UBE3B: variants seen among roughly 807,000 people sequenced by gnomAD.
UBE3B encodes the protein ubiquitin protein ligase E3B.
In UBE3B, 80 loss-of-function variants were observed where a neutral mutation model predicts 132.3. That is an observed-to-expected ratio of 0.60 (90% CI 0.50 to 0.73). The LOEUF (loss-of-function observed/expected upper bound fraction) is 0.73, where lower values mean the gene tolerates loss of function less well. UBE3B is among the 30% of genes least tolerant of loss of function. The pLI is 0.00. For missense variants in UBE3B, 1,196 were observed against 1,362.5 expected, an observed-to-expected ratio of 0.88 and a Z score of 1.92; for synonymous variants, 487 against 520.4, an observed-to-expected ratio of 0.94 and a Z score of 0.87.
At chr12:109,493,577 C>T (rs552777458) in intron 9 of UBE3B, among the ~76,000 whole-genome samples, 28 of 152,178 alleles carry the variant, frequency 1.8e-4, no homozygotes, top group Non-Finnish European at 3.4e-4. Context: ...ACTCTAAAGC[C>T]TTTTTCCCAA....
In UBE3B at chr12:109,530,025, G is replaced by C; in HGVS notation, c.2763G>C (p.Gln921His). The C allele has an allele frequency of 6.2e-7, 1 of 1,614,106 alleles. No individual in the cohort carries two copies. The highest frequency in any genetic ancestry group is 8.5e-7 in the Non-Finnish European group (1 of 1,180,036). Residue 921 changes from glutamine (Q) to histidine (H), a missense_variant, in exon 25 of 28, where the codon CAG becomes CAC. Physicochemically the swap from Gln to His is conservative, Grantham distance 24. Transcript: ENST00000342494. ...GAATGTTCTCAACTCCTGAACTGCA[G>C]CGTCTCATCTCTGGCGACAATGCTG... is the stretch of plus-strand genomic sequence containing the variant. ...WIRMFSTPEL[Q>H]RLISGDNAEI...
intron 6 of UBE3B, among the ~76,000 whole-genome samples, chr12:109,487,085 A>G (rs1876629264): frequency 6.6e-6 from 1 of 152,070 alleles, no homozygotes. Context: ...TAATCATGGC[A>G]ACGAGCAGTT....
chr12:109,509,469 CAGTA>C, intron 15 of UBE3B, 123 bp from the exon 16 acceptor site: 1 of 597,386 alleles, frequency 1.7e-6, no homozygotes. Flanking sequence ...GTAGATTTTA[CAGTA>C]AGTATCTCTA....
intron 13 of UBE3B, 132 bp downstream of exon 13, chr12:109,501,666 G>A: frequency 1.8e-6 from 2 of 1,140,312 alleles, no homozygotes; most frequent in Non-Finnish European, 2.4e-6. Flanking sequence ...CGTTCTTGTT[G>A]TTAGAGACAG....
downstream of UBE3B, among the ~76,000 whole-genome samples, chr12:109,540,441 G>A (rs1865214889): frequency 6.6e-6 from 1 of 152,166 alleles, no homozygotes; most frequent in South Asian, 2.1e-4. Context: ...GAACTCCTGG[G>A]CTCAAGCAAT....
the UBE3B span, among the ~76,000 whole-genome samples, chr12:109,544,212 C>T: frequency 6.6e-6 from 1 of 152,218 alleles, no homozygotes; most frequent in African/African-American, 2.4e-5. Context: ...GAGGGACACA[C>T]GGCCTTACGT....
chr12:109,497,984 C>G, intron 10 of UBE3B, 61 bp downstream of exon 10: 2 of 1,559,948 alleles, frequency 1.3e-6, no homozygotes, highest in Non-Finnish European at 1.8e-6. Flanking sequence ...TCTTCTTAAA[C>G]ATTAGAAAGT....
intron 8 of UBE3B, chr12:109,490,639 A>G (rs1344270187): frequency 6.6e-7 from 1 of 1,517,874 alleles, no homozygotes; most frequent in South Asian, 1.2e-5. Context: ...TTCTAAAATA[A>G]TATGATGTCT....
At chr12:109,495,318 T>G (rs570251728) in intron 9 of UBE3B, among the ~76,000 whole-genome samples, 1 of 152,248 alleles carries the variant, frequency 6.6e-6, no homozygotes, top group African/African-American at 2.4e-5. Context: ...ACCTTTTTTT[T>G]CCCCTCTGTA....
chr12:109,509,841 C>T (rs1880133946), intron 16 of UBE3B, 127 bp downstream of exon 16: 2 of 626,086 alleles, frequency 3.2e-6, no homozygotes, highest in African/African-American at 3.7e-5. Context: ...CATTTATTCC[C>T]ACAATTGGAA....
At chr12:109,538,405 C>G (rs991032076), downstream of UBE3B, among the ~76,000 whole-genome samples, 1 of 152,224 alleles carries the variant, frequency 6.6e-6, no homozygotes, top group African/African-American at 2.4e-5. The surrounding 1 kb of genome is among the most constrained non-coding windows in gnomAD (Gnocchi z 4.1). Context: ...TCTGGAATCG[C>G]AGAGATGTGT....
chr12:109,490,935 C>CAA, intron 8 of UBE3B, 110 bp from the exon 9 acceptor site: 1 of 1,246,350 alleles, frequency 8.0e-7, no homozygotes. Context: ...ATGCCTGGCT[C>CAA]ACAATACAGT....
intron 9 of UBE3B, among the ~76,000 whole-genome samples, chr12:109,493,024 A>G (rs1877697552): frequency 6.6e-6 from 1 of 152,184 alleles, no homozygotes. Flanking sequence ...AGACCCTCAC[A>G]CAGAAGAACA....
intron 26 of UBE3B, among the ~76,000 whole-genome samples, chr12:109,532,399 T>G (rs1419482633): frequency 6.6e-6 from 1 of 152,218 alleles, no homozygotes; most frequent in Non-Finnish European, 1.5e-5. Context: ...TTTAAAACTT[T>G]TTTTGATGCC....
chr12:109,533,912 C>CA, intron 27 of UBE3B: 1 of 1,326,694 alleles, frequency 7.5e-7, no homozygotes, highest in Non-Finnish European at 9.9e-7. Context: ...AGGAGGCAGG[C>CA]AGGCGCAGAC....
intron 15 of UBE3B, chr12:109,508,751 T>C: frequency 2.0e-6 from 2 of 985,036 alleles, no homozygotes; most frequent in Non-Finnish European, 2.4e-6. Flanking sequence ...TTCTAGTGTA[T>C]GGAGCAGTGT....
chr12:109,508,362 A>G (rs184663987), intron 15 of UBE3B: 53 of 245,998 alleles, frequency 2.2e-4, no homozygotes, highest in African/African-American at 1.1e-3. Flanking sequence ...TGAAGAGAAT[A>G]TTACCAGTTC....
intron 26 of UBE3B, 63 bp from the exon 27 acceptor site, chr12:109,533,403 A>G: frequency 1.4e-6 from 2 of 1,434,164 alleles, no homozygotes; most frequent in Non-Finnish European, 9.8e-7. Flanking sequence ...ACACAGCTGC[A>G]AGGGCCCGTC....
At chr12:109,541,024 T>C (rs957752395), downstream of UBE3B, among the ~76,000 whole-genome samples, 4 of 152,208 alleles carry the variant, frequency 2.6e-5, no homozygotes, top group South Asian at 4.1e-4. Context: ...AGCGTCCCCA[T>C]GAACTGCCTC....
Sources: gnomAD v4.1 joint callset for allele counts (sites outside exome capture counted in the v4.1 genomes callset) on GRCh38, gnomAD v4.1.1 for gene constraint, Gnocchi (gnomAD v3.1) non-coding constraint, MANE v1.5 for transcripts, NCBI Gene and HGNC (gene_info 2026-07-23, HGNC 2026-07-21) for gene names.